The following NELL1 variants were observed in gnomAD, a reference collection of about 807,000 sequenced individuals.
The protein encoded by NELL1 is protein kinase C-binding protein NELL1.
Under a neutral mutation model 107.4 loss-of-function variants are expected in NELL1, and 76 were observed. That is an observed-to-expected ratio of 0.71 (90% CI 0.59 to 0.86). NELL1 has a LOEUF of 0.86. NELL1 is among the 40% of genes least tolerant of loss of function. NELL1 has a pLI of 0.00. For synonymous variants in NELL1, 353 were observed against 341.2 expected (o/e 1.03, Z -0.38); for missense variants, 1,024 against 1,005.5 (o/e 1.02, Z -0.25).
chr11:21,214,557 G>T (rs1237119682), intron 13 of NELL1, among the ~76,000 whole-genome samples: 10 of 152,228 alleles, frequency 6.6e-5, no homozygotes, highest in African/African-American at 1.9e-4. Context: ...GTCAGTTAGG[G>T]TATGGAGAAA....
chr11:21,152,643 C>T (rs1478333636), intron 13 of NELL1, among the ~76,000 whole-genome samples: 1 of 152,116 alleles, frequency 6.6e-6, no homozygotes, highest in Non-Finnish European at 1.5e-5. Flanking sequence ...TCATACTCAG[C>T]TCTTGTCTCT....
chr11:21,554,656 A>G (rs1856664589), intron 16 of NELL1, among the ~76,000 whole-genome samples: 1 of 151,904 alleles, frequency 6.6e-6, no homozygotes, highest in African/African-American at 2.4e-5. Flanking sequence ...ATCATTTTTG[A>G]GCAATTATTA....
At chr11:21,221,360 T>C (rs1253147099) in intron 13 of NELL1, among the ~76,000 whole-genome samples, 1 of 152,206 alleles carries the variant, frequency 6.6e-6, no homozygotes, top group Non-Finnish European at 1.5e-5. Flanking sequence ...GTAATGTTTT[T>C]GTCTGATTTT....
intron 13 of NELL1, among the ~76,000 whole-genome samples, chr11:21,129,505 C>T (rs931916077): frequency 6.6e-6 from 1 of 152,056 alleles, no homozygotes; most frequent in African/African-American, 2.4e-5. Context: ...GGAAGTAACT[C>T]AAGTATCCAT....
intron 14 of NELL1, among the ~76,000 whole-genome samples, chr11:21,292,659 A>T (rs1849297043): frequency 6.6e-6 from 1 of 152,204 alleles, no homozygotes. Context: ...TGGAGGCATC[A>T]TGGTACCTGA....
At chr11:20,956,863 T>A (rs1851185922) in intron 11 of NELL1, among the ~76,000 whole-genome samples, 6 of 152,204 alleles carry the variant, frequency 3.9e-5, no homozygotes, top group Admixed American at 3.9e-4. Flanking sequence ...CATCTTTATA[T>A]ACTTTATCAT....
intron 15 of NELL1, among the ~76,000 whole-genome samples, chr11:21,451,873 G>A (rs972737611): frequency 3.3e-5 from 5 of 152,102 alleles, no homozygotes; most frequent in Admixed American, 6.5e-5. Flanking sequence ...TTAAACAGGA[G>A]GGAGGGAGGG....
intron 13 of NELL1, among the ~76,000 whole-genome samples, chr11:21,196,883 C>CTTTTTTTTTTTTTTTTTTT (rs200792090): frequency 7.3e-6 from 1 of 136,282 alleles, no homozygotes. Flanking sequence ...CTTTTCTTTT[C>CTTTTTTTTTTTTTTTTTTT]TTTTTTTTTT....
intron 15 of NELL1, among the ~76,000 whole-genome samples, chr11:21,452,385 A>G (rs760470013): frequency 1.3e-5 from 2 of 152,074 alleles, no homozygotes; most frequent in Non-Finnish European, 2.9e-5. Context: ...TAAGAAGTTG[A>G]AGTTTTCTAT....
intron 15 of NELL1, among the ~76,000 whole-genome samples, chr11:21,372,197 C>T (rs1168445244): frequency 2.6e-5 from 4 of 151,648 alleles, no homozygotes; most frequent in Admixed American, 2.6e-4. Context: ...AGAATTCTTG[C>T]TAAAAGCAAA....
chr11:21,361,567 T>G (rs914850221), intron 14 of NELL1, among the ~76,000 whole-genome samples: 1 of 152,144 alleles, frequency 6.6e-6, no homozygotes, highest in African/African-American at 2.4e-5. Context: ...TCTATTATTC[T>G]CTCAAATAAG....
At chr11:20,852,691 T>C (rs1001516760) in intron 4 of NELL1, among the ~76,000 whole-genome samples, 1 of 152,168 alleles carries the variant, frequency 6.6e-6, no homozygotes, top group African/African-American at 2.4e-5. Flanking sequence ...ACTCTCAATC[T>C]CCTGGTTCTC....
intron 2 of NELL1, among the ~76,000 whole-genome samples, chr11:20,778,058 C>A (rs1017606829): frequency 6.6e-6 from 1 of 152,190 alleles, no homozygotes; most frequent in African/African-American, 2.4e-5. Context: ...TAATGTATAA[C>A]ACGTGAGTTC....
intron 14 of NELL1, among the ~76,000 whole-genome samples, chr11:21,240,124 C>A (rs961196566): frequency 6.6e-6 from 1 of 152,036 alleles, no homozygotes; most frequent in Non-Finnish European, 1.5e-5. Context: ...CCATTCCCTC[C>A]TGAAGTCTGG....
At chr11:21,221,955 A>G (rs929869579) in intron 13 of NELL1, among the ~76,000 whole-genome samples, 1 of 152,078 alleles carries the variant, frequency 6.6e-6, no homozygotes, top group Non-Finnish European at 1.5e-5. Context: ...AGAACTCCCA[A>G]AGTGCTGGGA....
intron 12 of NELL1, among the ~76,000 whole-genome samples, chr11:21,060,709 G>A (rs1038268548): frequency 2.0e-5 from 3 of 152,032 alleles, no homozygotes; most frequent in Admixed American, 6.6e-5. Context: ...TTTTGATTTC[G>A]TTTTTGTTTT....
chr11:21,020,172 T>C (rs1852664141), intron 12 of NELL1, among the ~76,000 whole-genome samples: 1 of 152,156 alleles, frequency 6.6e-6, no homozygotes, highest in African/African-American at 2.4e-5. Context: ...CCTTGAATGG[T>C]ACTTGGCACT....
chr11:21,132,279 C>T (rs1231250528), intron 13 of NELL1, among the ~76,000 whole-genome samples: 3 of 152,050 alleles, frequency 2.0e-5, no homozygotes, highest in African/African-American at 7.2e-5. Flanking sequence ...GTGGGATTGT[C>T]ACGGGATCCT....
intron 3 of NELL1, among the ~76,000 whole-genome samples, chr11:20,786,098 C>T (rs1319322707): frequency 6.7e-6 from 1 of 149,852 alleles, no homozygotes; most frequent in Non-Finnish European, 1.5e-5. Flanking sequence ...TGCCTGTAAT[C>T]CCGGCACTTT....
Sources: gnomAD v4.1 joint callset for allele counts (sites outside exome capture counted in the v4.1 genomes callset) on GRCh38, gnomAD v4.1.1 for gene constraint, MANE v1.5 for transcripts, NCBI Gene and HGNC (gene_info 2026-07-23, HGNC 2026-07-21) for gene names.